The following FASTKD5 variants were observed in gnomAD, a reference collection of about 807,000 sequenced individuals.
The protein encoded by FASTKD5 is FAST kinase domains 5.
A neutral mutation model predicts 44.0 loss-of-function variants in FASTKD5; 30 were observed. The ratio of observed to expected loss-of-function variants is 0.68; its 90% CI spans 0.51 to 0.93. The LOEUF (loss-of-function observed/expected upper bound fraction) is 0.93. Among genes scored for constraint, FASTKD5 ranks in the 40% least tolerant of loss-of-function variants. The pLI, the probability that FASTKD5 is intolerant of heterozygous loss-of-function variation, is 0.00. For missense variants in FASTKD5, 868 were observed against 908.2 expected, an observed-to-expected ratio of 0.96 and a Z score of 0.57; for synonymous variants, 335 against 342.2, an observed-to-expected ratio of 0.98 and a Z score of 0.23.
chr20:3,156,891 T>G (rs994332555), intron 1 of FASTKD5: 1 of 152,168 alleles, frequency 6.6e-6, no homozygotes, highest in Admixed American at 6.5e-5. Flanking sequence ...CCCAATAAAA[T>G]TGCCACAAAT....
Position 3,148,212 on chromosome 20 carries a change from C to T in FASTKD5, c.859G>A (p.Val287Ile), listed in dbSNP as rs754030675. 5 of 1,613,872 alleles carry T rather than the reference C, an allele frequency of 3.1e-6. No homozygotes were observed. In the African/African-American group the frequency reaches 6.7e-5, roughly 22 times the overall value. ...GATACCTGACGATTTTCACCTATAA[C>T]ATAAATTAAGTGAACTAGCTGAGAC... ...SLSQLVHLIY[V>I]IGENRQVSQD... Residue 287 changes from valine (V) to isoleucine (I), a missense_variant, in exon 2 of 2, where the codon GTT becomes ATT. By Grantham distance (29) the Val-to-Ile change is conservative. Transcript: ENST00000380266.
rs2066569399 is a variant in FASTKD5, at chr20:3,146,915, T to C, written c.2156A>G (p.Asn719Ser). Residue 719 changes from asparagine to serine, a missense_variant, in exon 2 of 2, where the codon AAT becomes AGT. Transcript: ENST00000380266. Reference sequence around the variant, plus strand: ...CCGAGCCAGCTGCCGCCTCTTCATATTGTGCAGTCCAAGGAGATCCCTGGA... The same window carrying C: ...CCGAGCCAGCTGCCGCCTCTTCATACTGTGCAGTCCAAGGAGATCCCTGGA... ...YGSRDLLGLHNMKRRQLARLG... is the reference protein window; with the variant it reads ...YGSRDLLGLHSMKRRQLARLG... 3 of 1,614,078 alleles carry C rather than the reference T, an allele frequency of 1.9e-6. No homozygotes were observed. Among genetic ancestry groups the C allele is most frequent in the East Asian group, 4.5e-5 (2 of 44,894 alleles).
At chr20:3,152,724 A>G (rs1047735261) in intron 1 of FASTKD5, among the ~76,000 whole-genome samples, 1 of 151,938 alleles carries the variant, frequency 6.6e-6, no homozygotes, top group Non-Finnish European at 1.5e-5. Context: ...CCTAGCCAAT[A>G]TGGGGAAACG....
At position 3,146,770 on chromosome 20, in the gene FASTKD5, T is replaced by C. The variant is rs1229420569; in HGVS notation, c.*6A>G. ...GCTTTGCCATAGAAATGCCCCTAAA[T>C]GCCCTTCAGAGAGCAGAGGTGAATA... On this transcript the variant is annotated 3_prime_UTR_variant, in exon 2 of 2. Transcript: ENST00000380266. 2 of 1,610,434 alleles carry C rather than the reference T, an allele frequency of 1.2e-6. No homozygotes were observed. Among genetic ancestry groups the C allele is most frequent in the Non-Finnish European group, 8.5e-7 (1 of 1,178,034 alleles).
chr20:3,155,504 C>T (rs1243929520), intron 1 of FASTKD5, among the ~76,000 whole-genome samples: 1 of 151,944 alleles, frequency 6.6e-6, no homozygotes, highest in Non-Finnish European at 1.5e-5. Context: ...GCACTCCAGT[C>T]TGGGCAACAG....
At chr20:3,157,310 T>A (rs1178435830) in intron 1 of FASTKD5, among the ~76,000 whole-genome samples, 2 of 152,146 alleles carry the variant, frequency 1.3e-5, no homozygotes, top group Non-Finnish European at 1.5e-5. Context: ...ACTGCGAAGG[T>A]GAAGCACTAG....
rs138335304 is a variant in FASTKD5 at position 3,148,764 on chromosome 20, C to T, written c.307G>A (p.Glu103Lys). Reference sequence around the variant, plus strand: ...GAATCAAACACTTCTACGTCCTCTTCATCAACTCCTGTGGCCCTGGGTGAG... The same window carrying T: ...GAATCAAACACTTCTACGTCCTCTTTATCAACTCCTGTGGCCCTGGGTGAG... ...LGSPRATGVD[E>K]EDVEVFDSFE... The change falls in exon 2 of 2, where the codon GAA becomes AAA. Residue 103 changes from glutamate to lysine, a missense_variant. Glu to Lys is a moderately conservative substitution (Grantham distance 56, BLOSUM62 1). Transcript: ENST00000380266. 1.2e-4 allele frequency: 200 copies of T among 1,614,112 alleles called. No homozygotes were observed. The highest frequency in any genetic ancestry group is 1.6e-4 in the Non-Finnish European group (191 of 1,180,048).
chr20:3,155,474 T>C (rs2066674469), intron 1 of FASTKD5, among the ~76,000 whole-genome samples: 1 of 151,968 alleles, frequency 6.6e-6, no homozygotes, highest in Non-Finnish European at 1.5e-5. Flanking sequence ...GAGGTTGTGG[T>C]GAGGCGAGGT....
chr20:3,152,003 G>C (rs1352565370), intron 1 of FASTKD5: 2 of 151,420 alleles, frequency 1.3e-5, no homozygotes, highest in Non-Finnish European at 2.9e-5. Context: ...CACTCGGGGG[G>C]CTGGGGCACA....
At chr20:3,152,100 CAAA>C (rs60655157) in intron 1 of FASTKD5, among the ~76,000 whole-genome samples, 40 of 62,882 alleles carry the variant, frequency 6.4e-4, no homozygotes, top group African/African-American at 1.2e-3. Context: ...GACTCTGTCT[CAAA>C]AAAAAAAAAA....
Position 3,151,433 on chromosome 20 carries a change from G to A in FASTKD5, c.-190-2173C>T, listed in dbSNP as rs941213696. ...GCCTGCAAAGCATATTTAGTGTTTG[G>A]TCTATTACATAAAAAGTCTGCTGAT... On this transcript the variant is annotated intron_variant, in intron 1 of 1. Transcript: ENST00000380266. Among the ~76,000 whole-genome samples the A allele has an allele frequency of 1.3e-5, 2 of 152,266 alleles. 1 individual carries two copies.
chr20:3,148,954 C>G lies in FASTKD5; in HGVS notation c.117G>C (p.Gly39=). Residue 39 remains glycine (G), a synonymous_variant, in exon 2 of 2, where the codon GGG becomes GGC. Coordinates refer to ENST00000380266, the MANE Select transcript of FASTKD5 (RefSeq NM_021826.5). ...SYWNVSSTQH[G]GQDPPEHISL... ...TAATGTGTTCTGGAGGGTCCTGTCC[C>G]CCATGCTGTGTGCTGCTCACATTCC... 1 of 1,614,158 alleles carries G rather than the reference C, an allele frequency of 6.2e-7. No homozygotes were observed. The highest frequency in any genetic ancestry group is 8.5e-7 in the Non-Finnish European group (1 of 1,180,032).
intron 1 of FASTKD5, chr20:3,156,935 A>C (rs968031569): frequency 2.0e-5 from 3 of 152,222 alleles, no homozygotes; most frequent in Non-Finnish European, 4.4e-5. Context: ...TTGTCTCAGC[A>C]AATAATTTGT....
intron 1 of FASTKD5, among the ~76,000 whole-genome samples, chr20:3,158,960 T>G (rs112834398): frequency 1.4e-3 from 209 of 152,264 alleles, no homozygotes; most frequent in Middle Eastern, 0.014. Context: ...CCAGCCACAG[T>G]TGGTGCTAAC....
rs1018246902 is a variant in FASTKD5 at position 3,147,467 on chromosome 20, G to A, written c.1604C>T (p.Thr535Ile). 5 of 1,614,184 alleles carry A rather than the reference G, an allele frequency of 3.1e-6. No individual in the cohort carries two copies. Among genetic ancestry groups the A allele is most frequent in the Non-Finnish European group, 4.2e-6 (5 of 1,180,028 alleles). Reference sequence around the variant, plus strand: ...TTCAGACCCCTCTTGCTGAAGGTGAGTACTAAGACGATTGCCTCTGTAATC... The same window carrying A: ...TTCAGACCCCTCTTGCTGAAGGTGAATACTAAGACGATTGCCTCTGTAATC... The part of the protein sequence containing the change: ...CPDYRGNRLS[T>I]HLQQEGSELL... The change falls in exon 2 of 2, where the codon ACT becomes ATT. Residue 535 changes from threonine (T) to isoleucine (I), a missense_variant. By Grantham distance (89) the Thr-to-Ile change is moderately conservative (BLOSUM62 -1). Transcript: ENST00000380266.
Position 3,148,654 on chromosome 20 carries a change from C to T in FASTKD5, c.417G>A (p.Leu139=), listed in dbSNP as rs754548215. 3 of 1,614,058 alleles carry T rather than the reference C, an allele frequency of 1.9e-6. No homozygotes were observed. Among genetic ancestry groups the T allele is most frequent in the African/African-American group, 2.7e-5 (2 of 74,942 alleles). Reference sequence around the variant, plus strand: ...AAATTAGTTCACCTTCTGAAACAGACAGGAGCTGAGAAGTCTCAGATGCAT... The same window carrying T: ...AAATTAGTTCACCTTCTGAAACAGATAGGAGCTGAGAAGTCTCAGATGCAT... ...SYNASETSQL[L]SVSEGELILH... is the part of the protein sequence containing the mutation. The change falls in exon 2 of 2, where the codon CTG becomes CTA. Residue 139 remains leucine (L), a synonymous_variant. Coordinates refer to ENST00000380266, the MANE Select transcript of FASTKD5 (RefSeq NM_021826.5).
Position 3,147,403 on chromosome 20 carries a change from C to T in FASTKD5, c.1668G>A (p.Lys556=). The T allele has an allele frequency of 1.2e-6, 2 of 1,614,210 alleles. No homozygotes were observed. Among genetic ancestry groups the T allele is most frequent in the Non-Finnish European group, 1.7e-6 (2 of 1,180,034 alleles). ...WYLAEKDMNS[K]PEFLETVFLL... Reference sequence around the variant, plus strand: ...AAAAGACAGTTTCTAAGAATTCAGGCTTTGAATTCATATCCTTCTCTGCTA... The same window carrying T: ...AAAAGACAGTTTCTAAGAATTCAGGTTTTGAATTCATATCCTTCTCTGCTA... Residue 556 remains lysine (K), a synonymous_variant, in exon 2 of 2, where the codon AAG becomes AAA. Coordinates refer to ENST00000380266, the MANE Select transcript of FASTKD5 (RefSeq NM_021826.5).
chr20:3,147,961 G>A lies in FASTKD5; in HGVS notation c.1110C>T (p.His370=), dbSNP rs369657211. 57 of 1,614,064 alleles carry A rather than the reference G, an allele frequency of 3.5e-5. No individual in the cohort carries two copies. The highest frequency in any genetic ancestry group is 4.7e-5 in the Non-Finnish European group (56 of 1,180,048). The change falls in exon 2 of 2, where the codon CAC becomes CAT. Residue 370 remains histidine (H), a synonymous_variant. Coordinates refer to ENST00000380266, the MANE Select transcript of FASTKD5 (RefSeq NM_021826.5). ...VKMFRFTHVD[H]INFMKQIGEI... ...CTCCAATCTGCTTCATGAAATTGAT[G>A]TGATCCACGTGAGTGAAACGGAACA...
intron 1 of FASTKD5, among the ~76,000 whole-genome samples, chr20:3,154,684 T>C (rs967821781): frequency 1.3e-5 from 2 of 152,008 alleles, no homozygotes; most frequent in Non-Finnish European, 2.9e-5. Context: ...AAAAAATAAA[T>C]AAATAAATAA....
Sources: allele counts gnomAD v4.1 joint callset (sites outside exome capture counted in the v4.1 genomes callset), GRCh38; gene constraint gnomAD v4.1.1; transcripts MANE v1.5; gene names NCBI Gene and HGNC (gene_info 2026-07-23, HGNC 2026-07-21).